ANOS1: variants seen among roughly 807,000 people sequenced by gnomAD.
The protein encoded by ANOS1 is anosmin 1.
A neutral mutation model predicts 59.0 loss-of-function variants in ANOS1; 6 were observed. The observed-to-expected ratio is 0.10, with a 90% CI of 0.06 to 0.20. ANOS1 has a LOEUF of 0.20. ANOS1 is among the 10% of genes least tolerant of loss of function. The pLI, the probability that ANOS1 is intolerant of heterozygous loss-of-function variation, is 1.00. For missense variants in ANOS1, 433 were observed against 542.3 expected, an observed-to-expected ratio of 0.80 and a Z score of 2.00; for synonymous variants, 217 against 223.4, an observed-to-expected ratio of 0.97 and a Z score of 0.25.
intron 2 of ANOS1, among the ~76,000 whole-genome samples, chrX:8,675,404 G>T (rs1932320328): frequency 9.0e-6 from 1 of 111,425 alleles, no homozygotes; most frequent in African/African-American, 3.3e-5. Flanking sequence ...AGAAAGGCAT[G>T]GAAACCATTT....
intron 1 of ANOS1, among the ~76,000 whole-genome samples, chrX:8,730,674 A>C (rs1236389): frequency 0.48 from 49,561 of 103,999 alleles, 8,983 homozygotes; most frequent in African/African-American, 0.62. Context: ...AGCCAGGGGA[A>C]CCCCTCCCCC....
In ANOS1 at chrX:8,657,467, C is replaced by CTT. The variant is rs1324799667; in HGVS notation, c.256-33799_256-33798dup. Among the ~76,000 whole-genome samples the CTT allele has an allele frequency of 4.3e-3, 363 of 83,929 alleles. 8 individuals carry two copies. Among genetic ancestry groups the CTT allele is most frequent in the African/African-American group, 0.015 (338 of 22,005 alleles). 72.9% of individuals were successfully genotyped at this position (83,929 alleles called of 115,157 possible). Reference sequence around the variant, plus strand: ...TTGGCAATTTGGAGGACTGTGCTTGCTTTTTTTTTTTTTTTTTTTTTTACG... The same window carrying CTT: ...TTGGCAATTTGGAGGACTGTGCTTGCTTTTTTTTTTTTTTTTTTTTTTTTACG... On this transcript the variant is annotated intron_variant, in intron 2 of 13. Coordinates refer to ENST00000262648, the MANE Select transcript of ANOS1 (RefSeq NM_000216.4).
At chrX:8,600,067 C>T (rs889483332) in intron 3 of ANOS1, among the ~76,000 whole-genome samples, 2 of 111,984 alleles carry the variant, frequency 1.8e-5, no homozygotes, top group East Asian at 2.8e-4. Context: ...ACAATTTCAA[C>T]GTAAATGATT....
intron 8 of ANOS1, among the ~76,000 whole-genome samples, chrX:8,558,342 T>A (rs1190850364): frequency 9.0e-6 from 1 of 111,032 alleles, no homozygotes; most frequent in Non-Finnish European, 1.9e-5. Flanking sequence ...TTAGTCCCAG[T>A]GTACTTCATT....
chrX:8,578,984 CTGG>C (rs1930377422), intron 6 of ANOS1, among the ~76,000 whole-genome samples: 2 of 112,283 alleles, frequency 1.8e-5, no homozygotes, highest in Non-Finnish European at 3.8e-5. Context: ...ATTCAGCAAA[CTGG>C]TAAATACTAT....
At chrX:8,669,221 G>A (rs1290168000) in intron 2 of ANOS1, among the ~76,000 whole-genome samples, 1 of 111,843 alleles carries the variant, frequency 8.9e-6, no homozygotes, top group African/African-American at 3.3e-5. Flanking sequence ...GACCAGGGGT[G>A]TGGAATGGGA....
intron 9 of ANOS1, among the ~76,000 whole-genome samples, chrX:8,540,328 A>G (rs1929663020): frequency 9.0e-6 from 1 of 111,485 alleles, no homozygotes; most frequent in Non-Finnish European, 1.9e-5. Context: ...CTTTTGTCCA[A>G]AGGATAGGGA....
intron 2 of ANOS1, among the ~76,000 whole-genome samples, chrX:8,654,603 C>A (rs1487342565): frequency 1.8e-5 from 2 of 112,315 alleles, no homozygotes; most frequent in Non-Finnish European, 3.8e-5. Context: ...GAGCCTTTAA[C>A]GTCTCCAAGA....
intron 3 of ANOS1, among the ~76,000 whole-genome samples, chrX:8,616,748 C>T (rs5978925): frequency 0.11 from 11,765 of 111,184 alleles, 578 homozygotes; most frequent in African/African-American, 0.18. Context: ...TTGAATCTCT[C>T]ACCATGACCA....
intron 3 of ANOS1, among the ~76,000 whole-genome samples, chrX:8,609,098 A>C (rs1283010477): frequency 8.9e-6 from 1 of 112,097 alleles, no homozygotes; most frequent in Non-Finnish European, 1.9e-5. Flanking sequence ...ATTAGGTAAT[A>C]TCTGGAGATA....
At position 8,535,595 on chromosome X, in the gene ANOS1, G is replaced by A; in HGVS notation, c.1838C>T (p.Pro613Leu). ...NSIISQSQIL[P>L]SDHYVLTVPN... ...AGTACAAGAGGTGGGACCTACGGAA[G>A]GCAGGATCTGGGACTGTGAAATAAT... Residue 613 changes from proline (P) to leucine (L), a missense_variant, in exon 12 of 14, where the codon CCT becomes CTT. Pro to Leu is a moderately conservative substitution (Grantham distance 98, BLOSUM62 -3). Transcript: ENST00000262648. 1 of 1,199,121 alleles carries A rather than the reference G, an allele frequency of 8.3e-7. No homozygotes were observed.
intron 2 of ANOS1, 119 bp downstream of exon 2, chrX:8,699,579 A>G (rs1375951749): frequency 1.9e-5 from 9 of 468,528 alleles, no homozygotes; most frequent in Non-Finnish European, 3.2e-5. Context: ...AAGTGTAACC[A>G]TTGGTGGAAA....
chrX:8,656,744 C>G (rs1024576458), intron 2 of ANOS1, among the ~76,000 whole-genome samples: 7 of 111,354 alleles, frequency 6.3e-5, no homozygotes, highest in Non-Finnish European at 1.3e-4. Flanking sequence ...CCATACATGA[C>G]TTGAAAAGCT....
intron 6 of ANOS1, among the ~76,000 whole-genome samples, chrX:8,580,201 A>G (rs1490161122): frequency 2.7e-5 from 3 of 112,456 alleles, no homozygotes; most frequent in East Asian, 2.8e-4. Flanking sequence ...ATGTGCAAAG[A>G]TGCAGTCCCA....
intron 4 of ANOS1, among the ~76,000 whole-genome samples, chrX:8,588,499 C>T (rs1930560369): frequency 1.8e-5 from 2 of 111,558 alleles, no homozygotes; most frequent in Admixed American, 1.9e-4. Context: ...CACTGCAAAG[C>T]AAAATCTCTT....
At position 8,535,821 on chromosome X, in the gene ANOS1, T is replaced by C. The variant is rs762984370; in HGVS notation, c.1622-10A>G. ...TTAGAAAGAACATGACCTGCAGCAA[T>C]GCAAGAAGGAAAACCAGGATTAGGC... On this transcript the variant is annotated splice_polypyrimidine_tract_variant and intron_variant, in intron 11 of 13. Transcript: ENST00000262648. The C allele has an allele frequency of 1.7e-6, 2 of 1,182,849 alleles. No homozygotes were observed. The highest frequency in any genetic ancestry group is 5.9e-5 in the East Asian group (2 of 33,715).
chrX:8,696,799 C>A (rs1461033962), intron 2 of ANOS1, among the ~76,000 whole-genome samples: 1 of 112,402 alleles, frequency 8.9e-6, no homozygotes, highest in Non-Finnish European at 1.9e-5. Flanking sequence ...TCACTCCCAA[C>A]TGTGACAATC....
At chrX:8,625,944 C>T (rs1305693357) in intron 2 of ANOS1, among the ~76,000 whole-genome samples, 1 of 107,832 alleles carries the variant, frequency 9.3e-6, no homozygotes, top group Non-Finnish European at 1.9e-5. Flanking sequence ...AAACCTGTCT[C>T]TACTAAAAAT....
chrX:8,645,716 G>T, intron 2 of ANOS1, among the ~76,000 whole-genome samples: 2 of 111,861 alleles, frequency 1.8e-5, no homozygotes, highest in South Asian at 7.5e-4. Flanking sequence ...CAACTTCCCA[G>T]GCTCAAGCGA....
Sources: allele counts gnomAD v4.1 joint callset (sites outside exome capture counted in the v4.1 genomes callset), GRCh38; gene constraint gnomAD v4.1.1; transcripts MANE v1.5; gene names NCBI Gene and HGNC (gene_info 2026-07-23, HGNC 2026-07-21).